TRHDE: variants seen among roughly 807,000 people sequenced by gnomAD.
TRHDE encodes the protein thyrotropin-releasing hormone-degrading ectoenzyme.
Under a neutral mutation model 125.7 loss-of-function variants are expected in TRHDE, and 72 were observed. The ratio of observed to expected loss-of-function variants is 0.57; its 90% CI spans 0.47 to 0.70. The LOEUF is 0.70. Among genes scored for constraint, TRHDE ranks in the 30% least tolerant of loss-of-function variants. The pLI is 0.00. For missense variants in TRHDE, 1,110 were observed against 1,327.1 expected (o/e 0.84, Z 2.54); for synonymous variants, 509 against 509.1 (o/e 1.00, Z 0.00).
At chr12:72,310,118 G>A (rs7970459) in intron 2 of TRHDE, among the ~76,000 whole-genome samples, 46,086 of 152,016 alleles carry the variant, frequency 0.3, 7,466 homozygotes, top group African/African-American at 0.42. Context: ...GGGCCATGGA[G>A]TCTGGAGCCC....
intron 2 of TRHDE, among the ~76,000 whole-genome samples, chr12:72,370,747 AT>A (rs879850160): frequency 1.4e-3 from 203 of 144,134 alleles, no homozygotes; most frequent in Middle Eastern, 3.5e-3. Context: ...TGTTAATGTT[AT>A]TTTTTTTTTT....
At chr12:72,423,969 G>T (rs529330475) in intron 3 of TRHDE, among the ~76,000 whole-genome samples, 3 of 152,146 alleles carry the variant, frequency 2.0e-5, no homozygotes, top group Non-Finnish European at 2.9e-5. Flanking sequence ...AAACAGATTT[G>T]CCCCTTGTAC....
At chr12:72,227,801 T>G (rs1465278228) in intron 2 of TRHDE, among the ~76,000 whole-genome samples, 2 of 152,128 alleles carry the variant, frequency 1.3e-5, no homozygotes, top group East Asian at 3.9e-4. Flanking sequence ...TGTGACAAAT[T>G]GGCCAAAATG....
At chr12:72,394,587 C>A (rs558377192) in intron 3 of TRHDE, among the ~76,000 whole-genome samples, 1 of 152,260 alleles carries the variant, frequency 6.6e-6, no homozygotes, top group South Asian at 2.1e-4. Context: ...ATGCAAATCC[C>A]CCTATGCCCT....
At chr12:72,305,121 T>C (rs1048295722) in intron 2 of TRHDE, among the ~76,000 whole-genome samples, 15 of 152,176 alleles carry the variant, frequency 9.9e-5, no homozygotes, top group African/African-American at 3.4e-4. Flanking sequence ...TTCTTAATTA[T>C]GGGAAATAGT....
intron 2 of TRHDE, among the ~76,000 whole-genome samples, chr12:72,247,453 T>A: frequency 6.6e-6 from 1 of 152,144 alleles, no homozygotes; most frequent in Middle Eastern, 3.2e-3. Context: ...TTTGAGAACT[T>A]CTATTCTAGA....
intron 3 of TRHDE, among the ~76,000 whole-genome samples, chr12:72,446,977 G>A (rs1875318779): frequency 6.6e-6 from 1 of 152,012 alleles, no homozygotes; most frequent in Non-Finnish European, 1.5e-5. Context: ...AGTTAACAAG[G>A]ATATCCAGGA....
chr12:72,335,220 C>T (rs1281351067), intron 2 of TRHDE, among the ~76,000 whole-genome samples: 3 of 152,100 alleles, frequency 2.0e-5, no homozygotes, highest in African/African-American at 7.2e-5. Context: ...AGAGAATTTC[C>T]TTTATGTGCT....
intron 10 of TRHDE, among the ~76,000 whole-genome samples, chr12:72,572,987 C>T (rs1870819020): frequency 6.6e-6 from 1 of 151,762 alleles, no homozygotes; most frequent in Non-Finnish European, 1.5e-5. Context: ...GGTGCTTTAA[C>T]ATTATAACTT....
intron 2 of TRHDE, among the ~76,000 whole-genome samples, chr12:72,228,902 A>T (rs1878191118): frequency 6.6e-6 from 1 of 152,170 alleles, no homozygotes; most frequent in Admixed American, 6.5e-5. Flanking sequence ...TCCAGTTCCC[A>T]ACAAGTTCCT....
At chr12:72,505,897 A>G (rs901253562) in intron 6 of TRHDE, among the ~76,000 whole-genome samples, 9 of 152,178 alleles carry the variant, frequency 5.9e-5, no homozygotes, top group Admixed American at 5.9e-4. Flanking sequence ...CCCCATCCAC[A>G]ACATCATGTC....
At chr12:72,641,613 T>C (rs1056705746) in intron 15 of TRHDE, among the ~76,000 whole-genome samples, 3 of 152,198 alleles carry the variant, frequency 2.0e-5, no homozygotes, top group Non-Finnish European at 2.9e-5. Context: ...TCTATATCAT[T>C]GTCAGTTGCT....
At position 72,575,466 on chromosome 12, in the gene TRHDE, AT is replaced by A. The variant is rs751636968; in HGVS notation, c.2266-15del. ...CATTTTAATCCTAAATTATCCTATT[AT>A]TTTTTCTAATTGGCCTCAGGTTCTT... On this transcript the variant is annotated intron_variant, in intron 11 of 18. Coordinates refer to ENST00000261180, the MANE Select transcript of TRHDE (RefSeq NM_013381.3). The A allele has an allele frequency of 1.2e-6, 2 of 1,613,364 alleles. No homozygotes were observed. Among genetic ancestry groups the A allele is most frequent in the Non-Finnish European group, 1.7e-6 (2 of 1,179,582 alleles).
intron 2 of TRHDE, among the ~76,000 whole-genome samples, chr12:72,235,806 C>T (rs1218745151): frequency 6.6e-6 from 1 of 152,154 alleles, no homozygotes; most frequent in African/African-American, 2.4e-5. Context: ...GTATTTAAGG[C>T]CTCTCCTCAC....
intron 2 of TRHDE, among the ~76,000 whole-genome samples, chr12:72,325,816 T>A (rs1869315056): frequency 1.3e-5 from 2 of 152,134 alleles, no homozygotes; most frequent in East Asian, 3.9e-4. Flanking sequence ...GGTTTGGGGT[T>A]TTTTTTGCTT....
chr12:72,351,103 G>A (rs894662192), intron 2 of TRHDE, among the ~76,000 whole-genome samples: 8 of 151,908 alleles, frequency 5.3e-5, no homozygotes, highest in Non-Finnish European at 4.4e-5. Flanking sequence ...AAGCTTCTTC[G>A]GGTTTTACAG....
intron 2 of TRHDE, among the ~76,000 whole-genome samples, chr12:72,337,178 C>A (rs1353041224): frequency 6.6e-6 from 1 of 152,148 alleles, no homozygotes; most frequent in Non-Finnish European, 1.5e-5. Flanking sequence ...TAGAAAGGTC[C>A]GGTTGCTCCA....
intron 12 of TRHDE, among the ~76,000 whole-genome samples, chr12:72,576,624 G>A (rs1264987443): frequency 1.3e-5 from 2 of 151,988 alleles, no homozygotes; most frequent in African/African-American, 2.4e-5. Context: ...TAAATATATA[G>A]AGGGTAAAGG....
At position 72,472,941 on chromosome 12, in the gene TRHDE, A is replaced by T. The variant is rs559147653; in HGVS notation, c.1471-126A>T. The T allele has an allele frequency of 4.1e-4, 315 of 770,818 alleles. 1 individual carries two copies. Among genetic ancestry groups the T allele is most frequent in the Middle Eastern group, 2.8e-3 (9 of 3,158 alleles). 47.7% of individuals were successfully genotyped at this position (770,818 alleles called of 1,614,324 possible). A position where few individuals can be genotyped will look rare whatever the true frequency, so the allele number is the denominator to read the frequency against. On this transcript the variant is annotated intron_variant, in intron 4 of 18. Coordinates refer to ENST00000261180, the MANE Select transcript of TRHDE (RefSeq NM_013381.3). ...CAGTTTTGCCACAACACATTTTAAG[A>T]TCACAAAATCAACTGGGGAATGAAT...
Sources: allele counts gnomAD v4.1 joint callset (sites outside exome capture counted in the v4.1 genomes callset), GRCh38; gene constraint gnomAD v4.1.1; transcripts MANE v1.5; gene names NCBI Gene and HGNC (gene_info 2026-07-23, HGNC 2026-07-21).